NSUN4: variants seen among roughly 807,000 people sequenced by gnomAD.
NSUN4 encodes NOP2/Sun RNA methyltransferase 4.
Under a neutral mutation model 43.8 loss-of-function variants are expected in NSUN4, and 31 were observed. That is an observed-to-expected ratio of 0.71 (90% CI 0.53 to 0.96). NSUN4 has a LOEUF of 0.96. Ranked by LOEUF, NSUN4 falls within the 40% of genes least tolerant of loss-of-function variation. NSUN4 has a pLI of 0.00. For missense variants in NSUN4, 439 were observed against 475.6 expected (o/e 0.92, Z 0.72); for synonymous variants, 167 against 184.1 (o/e 0.91, Z 0.75).
At chr1:46,342,542 C>T in intron 1 of NSUN4, 1 of 399,294 alleles carries the variant, frequency 2.5e-6, no homozygotes, top group Non-Finnish European at 4.4e-6. Context: ...CCCTTCTCTC[C>T]TGGGAGGCAA....
intron 1 of NSUN4, chr1:46,341,671 C>G: frequency 8.1e-7 from 1 of 1,228,590 alleles, no homozygotes; most frequent in East Asian, 3.2e-5. Context: ...TCCTCGCACT[C>G]AGGGAGATGG....
chr1:46,347,876 T>C (rs1662633062), intron 3 of NSUN4, among the ~76,000 whole-genome samples: 1 of 148,024 alleles, frequency 6.8e-6, no homozygotes, highest in Non-Finnish European at 1.5e-5. Context: ...TTTTTCTTTC[T>C]TTTTTTTTCT....
At chr1:46,375,103 T>G in the NSUN4 span, among the ~76,000 whole-genome samples, 1 of 152,094 alleles carries the variant, frequency 6.6e-6, no homozygotes, top group South Asian at 2.1e-4. Context: ...GATAAACCCC[T>G]GACTAAACTG....
Position 46,345,021 on chromosome 1 carries a change from A to C in NSUN4, c.314A>C (p.His105Pro), listed in dbSNP as rs1316277181. 6.2e-7 allele frequency: 1 copy of C among 1,614,202 alleles called. No homozygotes were observed. The highest frequency in any genetic ancestry group is 2.2e-5 in the East Asian group (1 of 44,884). ...AKDFVNEAIS[H>P]WELQSEGGQS... The stretch of plus-strand genomic sequence containing the variant: ...GATTTTGTGAATGAAGCCATCTCCC[A>C]CTGGGAACTGCAGTCTGAGGGTGGC... Residue 105 changes from histidine to proline, a missense_variant, in exon 2 of 6, where the codon CAC becomes CCC. Physicochemically the swap from His to Pro is moderately conservative, Grantham distance 77. Transcript: ENST00000474844.
the NSUN4 span, among the ~76,000 whole-genome samples, chr1:46,383,227 G>A: frequency 2.0e-5 from 3 of 152,166 alleles, no homozygotes; most frequent in South Asian, 2.1e-4. Flanking sequence ...CCGGTGTCCC[G>A]GGTTTGGGAA....
At chr1:46,379,957 C>G in the NSUN4 span, among the ~76,000 whole-genome samples, 1 of 152,180 alleles carries the variant, frequency 6.6e-6, no homozygotes, top group African/African-American at 2.4e-5. Flanking sequence ...CCTTGGTGAT[C>G]AGGTTTCAGC....
the NSUN4 span, among the ~76,000 whole-genome samples, chr1:46,374,890 GAA>G: frequency 6.5e-5 from 9 of 138,402 alleles, no homozygotes; most frequent in Admixed American, 3.6e-4. Flanking sequence ...CCCGTCTCTG[GAA>G]AAAAAAAAAA....
intron 3 of NSUN4, 97 bp downstream of exon 3, chr1:46,347,172 T>C (rs1569741301): frequency 6.2e-6 from 8 of 1,297,462 alleles, no homozygotes. Context: ...GCGCAGTGGC[T>C]CCCGCCTGTA....
At position 46,362,141 on chromosome 1, in the gene NSUN4, A is replaced by C. The variant is rs181091362; in HGVS notation, c.*295A>C. The C allele has an allele frequency of 3.3e-4, 141 of 432,208 alleles. 1 individual carries two copies. Among genetic ancestry groups the C allele is most frequent in the African/African-American group, 2.5e-3 (125 of 50,470 alleles). The allele number at this position is 432,208 out of a possible 1,614,324, so 26.8% of individuals were successfully genotyped here. On this transcript the variant is annotated 3_prime_UTR_variant, in exon 6 of 6. Coordinates refer to ENST00000474844, the MANE Select transcript of NSUN4 (RefSeq NM_199044.4). ...AGAAGCCAGTGAGCAGGCTCACACT[A>C]AGTTGTAAACATAGGAGAAGCATTT...
intron 1 of NSUN4, chr1:46,341,335 C>T (rs1662089486): frequency 1.0e-6 from 1 of 1,004,448 alleles, no homozygotes; most frequent in Admixed American, 5.7e-5. Flanking sequence ...CGGTCGCCCT[C>T]ACCCCTCGGA....
chr1:46,345,456 C>T (rs1307697231), intron 2 of NSUN4: 1 of 275,120 alleles, frequency 3.6e-6, no homozygotes, highest in African/African-American at 2.2e-5. Flanking sequence ...GACCCAGAAC[C>T]TGCACTTTGA....
At chr1:46,348,226 C>A (rs1483543817) in intron 3 of NSUN4, among the ~76,000 whole-genome samples, 1 of 152,166 alleles carries the variant, frequency 6.6e-6, no homozygotes, top group African/African-American at 2.4e-5. Flanking sequence ...TGATATCCTG[C>A]CTGCCCAGTC....
At chr1:46,371,100 C>G in the NSUN4 span, 1 of 151,668 alleles carries the variant, frequency 6.6e-6, no homozygotes, top group Non-Finnish European at 1.5e-5. Context: ...AGGAGAGGCT[C>G]TGTCCTTAAC....
At chr1:46,372,227 G>A in the NSUN4 span, among the ~76,000 whole-genome samples, 3 of 148,674 alleles carry the variant, frequency 2.0e-5, no homozygotes, top group African/African-American at 7.4e-5. Context: ...TGTAAGTTCC[G>A]CCTCCCAGGT....
In NSUN4 at chr1:46,340,886, G is replaced by A. The variant is rs749177938; in HGVS notation, c.60G>A (p.Thr20=). 1 of 1,613,418 alleles carries A rather than the reference G, an allele frequency of 6.2e-7. No homozygotes were observed. Among genetic ancestry groups the A allele is most frequent in the South Asian group, 1.1e-5 (1 of 91,008 alleles). ...TGCTGAAGCGTGTGGACCTCGCGAC[G>A]GTCCCGCGGAGACATCGATATAAGA... The part of the protein sequence containing the change: ...RELLKRVDLA[T]VPRRHRYKKK... Residue 20 remains threonine, a synonymous_variant, in exon 1 of 6, where the codon ACG becomes ACA. Transcript: ENST00000474844.
chr1:46,341,254 C>T, intron 1 of NSUN4: 2 of 885,612 alleles, frequency 2.3e-6, no homozygotes, highest in Non-Finnish European at 2.8e-6. Flanking sequence ...TACTTCCCTC[C>T]CTCCCCTCCC....
downstream of NSUN4, among the ~76,000 whole-genome samples, chr1:46,368,753 A>T (rs1267736904): frequency 6.6e-6 from 1 of 152,222 alleles, no homozygotes; most frequent in African/African-American, 2.4e-5. Context: ...TCATCTGCTT[A>T]TAATTCTTTG....
Position 46,342,528 on chromosome 1 carries a change from G to C in NSUN4, c.93+1609G>C, listed in dbSNP as rs149294298. ...CCAGGCTCCCAGGAAGGCTTGCATT[G>C]AGTCCCTTCTCTCCTGGGAGGCAAC... On this transcript the variant is annotated intron_variant, in intron 1 of 5. Transcript: ENST00000474844. The C allele has an allele frequency of 1.3e-5, 5 of 399,076 alleles. No individual in the cohort carries two copies. In the Admixed American group the frequency reaches 1.8e-4, roughly 14 times the overall value. 24.7% of individuals were successfully genotyped at this position (399,076 alleles called of 1,614,324 possible).
the NSUN4 span, among the ~76,000 whole-genome samples, chr1:46,372,554 A>G: frequency 5.3e-5 from 8 of 152,196 alleles, no homozygotes; most frequent in Non-Finnish European, 1.2e-4. Context: ...ACAACTTAAT[A>G]TAGGTAGTTA....
Sources: allele counts gnomAD v4.1 joint callset (sites outside exome capture counted in the v4.1 genomes callset), GRCh38; gene constraint gnomAD v4.1.1; transcripts MANE v1.5; gene names NCBI Gene and HGNC (gene_info 2026-07-23, HGNC 2026-07-21).